The following GALNTL6 variants were observed in gnomAD, a reference collection of about 807,000 sequenced individuals.
GALNTL6 encodes the protein polypeptide N-acetylgalactosaminyltransferase-like 6.
A neutral mutation model predicts 73.7 loss-of-function variants in GALNTL6; 46 were observed. The ratio of observed to expected loss-of-function variants is 0.62; its 90% confidence interval spans 0.49 to 0.80. The LOEUF (loss-of-function observed/expected upper bound fraction) is 0.80, where lower values mean the gene tolerates loss of function less well. GALNTL6 is among the 30% of genes least tolerant of loss of function. GALNTL6 has a pLI of 0.00. For missense variants in GALNTL6, 604 were observed against 755.0 expected, an observed-to-expected ratio of 0.80 and a Z score of 2.34; for synonymous variants, 259 against 263.7, an observed-to-expected ratio of 0.98 and a Z score of 0.17.
At chr4:171,903,931 G>C (rs1737190565) in intron 2 of GALNTL6, among the ~76,000 whole-genome samples, 1 of 152,072 alleles carries the variant, frequency 6.6e-6, no homozygotes, top group Admixed American at 6.5e-5. Flanking sequence ...GCAGCTGAGG[G>C]TCCTCTCTGT....
At chr4:172,510,554 T>C (rs112017792) in intron 5 of GALNTL6, among the ~76,000 whole-genome samples, 1,674 of 55,034 alleles carry the variant, frequency 0.03, 659 homozygotes, top group African/African-American at 0.071. Context: ...CTTTTCCCCA[T>C]TCTGTATAAT....
At chr4:173,014,935 G>A (rs1254608320) in intron 11 of GALNTL6, among the ~76,000 whole-genome samples, 1 of 152,188 alleles carries the variant, frequency 6.6e-6, no homozygotes, top group Admixed American at 6.5e-5. Context: ...TAATCCCCAT[G>A]TGTCATGGGA....
intron 3 of GALNTL6, among the ~76,000 whole-genome samples, chr4:172,238,915 A>C (rs540590401): frequency 6.6e-6 from 1 of 152,080 alleles, no homozygotes. Flanking sequence ...ATTGATTTGC[A>C]TATGTTGAAC....
intron 4 of GALNTL6, among the ~76,000 whole-genome samples, chr4:172,346,988 C>CTTTTTT (rs34332250): frequency 3.9e-4 from 45 of 114,408 alleles, no homozygotes; most frequent in African/African-American, 9.3e-4. Context: ...TGTTTTCTTT[C>CTTTTTT]TTTTTTTTTT....
rs551435618 is a variant in GALNTL6, at chr4:172,408,005, A to G, written c.553+59316A>G. On this transcript the variant is annotated intron_variant, in intron 5 of 12. Transcript: ENST00000506823. Reference sequence around the variant, plus strand: ...GGATTATTGAAACGGTGGAAAATATATAGAAGGCCACTTTAGGAAACACTG... The same window carrying G: ...GGATTATTGAAACGGTGGAAAATATGTAGAAGGCCACTTTAGGAAACACTG... Among the ~76,000 whole-genome samples the G allele has an allele frequency of 5.1e-4, 77 of 152,198 alleles. 1 individual carries two copies. Among genetic ancestry groups the G allele is most frequent in the African/African-American group, 1.6e-3 (68 of 41,554 alleles).
intron 2 of GALNTL6, among the ~76,000 whole-genome samples, chr4:171,857,581 G>A (rs1475293627): frequency 1.3e-5 from 2 of 152,146 alleles, no homozygotes; most frequent in Non-Finnish European, 2.9e-5. Flanking sequence ...GGAGAGTCTG[G>A]AACATAGTTG....
intron 7 of GALNTL6, 55 bp downstream of exon 7, chr4:172,813,778 G>T: frequency 2.2e-6 from 3 of 1,366,072 alleles, no homozygotes; most frequent in Non-Finnish European, 2.0e-6. Flanking sequence ...ACTCATTGCA[G>T]TGTTAAACCT....
chr4:172,022,144 A>T (rs1741425374), intron 2 of GALNTL6, among the ~76,000 whole-genome samples: 1 of 152,070 alleles, frequency 6.6e-6, no homozygotes, highest in Non-Finnish European at 1.5e-5. Flanking sequence ...TAAGGTGAAG[A>T]GACAACCTAC....
chr4:172,606,316 T>C (rs1365191918), intron 5 of GALNTL6, among the ~76,000 whole-genome samples: 5 of 151,464 alleles, frequency 3.3e-5, no homozygotes, highest in Admixed American at 2.6e-4. Context: ...TAGATGGGCA[T>C]GGTGGCGCAT....
chr4:172,346,688 T>C (rs1452357820), intron 4 of GALNTL6, among the ~76,000 whole-genome samples: 2 of 152,240 alleles, frequency 1.3e-5, no homozygotes, highest in Non-Finnish European at 2.9e-5. Flanking sequence ...CTAGATTTTG[T>C]TCATTGTTTT....
intron 2 of GALNTL6, among the ~76,000 whole-genome samples, chr4:172,007,481 C>A (rs896062115): frequency 2.6e-5 from 4 of 152,010 alleles, no homozygotes; most frequent in African/African-American, 9.7e-5. Flanking sequence ...TTTTCATTAA[C>A]TTCAATATAT....
intron 2 of GALNTL6, among the ~76,000 whole-genome samples, chr4:172,107,897 T>C (rs927986460): frequency 1.4e-4 from 22 of 152,196 alleles, no homozygotes; most frequent in East Asian, 5.8e-4. Flanking sequence ...GTAAATTACA[T>C]TGACTTTTCA....
intron 2 of GALNTL6, among the ~76,000 whole-genome samples, chr4:172,124,214 A>T (rs1008563075): frequency 6.6e-6 from 1 of 152,244 alleles, no homozygotes; most frequent in Non-Finnish European, 1.5e-5. Flanking sequence ...TATCAATAAC[A>T]TACCCATAAA....
At chr4:172,649,560 T>C (rs1740385871) in intron 5 of GALNTL6, among the ~76,000 whole-genome samples, 1 of 152,196 alleles carries the variant, frequency 6.6e-6, no homozygotes, top group Non-Finnish European at 1.5e-5. Flanking sequence ...TTTTTAGTGA[T>C]AACAAATAAC....
At chr4:172,247,277 A>T (rs531664058) in intron 3 of GALNTL6, among the ~76,000 whole-genome samples, 1 of 152,124 alleles carries the variant, frequency 6.6e-6, no homozygotes, top group African/African-American at 2.4e-5. Flanking sequence ...CTGGGACCCT[A>T]GGGGCTCCTG....
intron 2 of GALNTL6, among the ~76,000 whole-genome samples, chr4:171,821,285 C>A (rs2110803738): frequency 6.6e-6 from 1 of 152,210 alleles, no homozygotes; most frequent in African/African-American, 2.4e-5. Flanking sequence ...AAGAGATCCC[C>A]CCACTTCAGC....
At chr4:172,529,438 G>A (rs1735091685) in intron 5 of GALNTL6, among the ~76,000 whole-genome samples, 1 of 152,006 alleles carries the variant, frequency 6.6e-6, no homozygotes, top group African/African-American at 2.4e-5. Context: ...CACTCTGTGT[G>A]ATGCTTACTA....
chr4:172,274,433 A>G (rs1019952867), intron 3 of GALNTL6, among the ~76,000 whole-genome samples: 1 of 152,204 alleles, frequency 6.6e-6, no homozygotes, highest in Non-Finnish European at 1.5e-5. Flanking sequence ...CAGCAAACAT[A>G]TAGAATCAGA....
intron 8 of GALNTL6, among the ~76,000 whole-genome samples, chr4:172,913,034 G>C (rs959755759): frequency 6.6e-6 from 1 of 152,184 alleles, no homozygotes; most frequent in Non-Finnish European, 1.5e-5. Context: ...GGAAGGATCA[G>C]GCAGCAACAT....
Sources: gnomAD v4.1 joint callset for allele counts (sites outside exome capture counted in the v4.1 genomes callset) on GRCh38, gnomAD v4.1.1 for gene constraint, MANE v1.5 for transcripts, NCBI Gene and HGNC (gene_info 2026-07-23, HGNC 2026-07-21) for gene names.